Variants in ALK observed in about 807,000 individuals in gnomAD.
ALK encodes ALK receptor tyrosine kinase.
A neutral mutation model predicts 163.1 loss-of-function variants in ALK; 74 were observed. The observed-to-expected ratio is 0.45, with a 90% confidence interval of 0.38 to 0.55. ALK has a LOEUF of 0.55. ALK is among the 20% of genes least tolerant of loss of function. The pLI, the probability that ALK is intolerant of heterozygous loss-of-function variation, is 0.00. For synonymous variants in ALK, 960 were observed against 843.2 expected, an observed-to-expected ratio of 1.14 and a Z score of -2.40; for missense variants, 2,063 against 2,105.3, an observed-to-expected ratio of 0.98 and a Z score of 0.39.
chr2:29,529,277 C>T (rs545502354), intron 4 of ALK, among the ~76,000 whole-genome samples: 102 of 152,312 alleles, frequency 6.7e-4, no homozygotes, highest in African/African-American at 2.2e-3. Flanking sequence ...CTTCCTCCCT[C>T]GTTACTACAA....
chr2:29,308,043 T>C (rs964227493), intron 8 of ALK, among the ~76,000 whole-genome samples: 2 of 152,076 alleles, frequency 1.3e-5, no homozygotes, highest in African/African-American at 4.8e-5. Context: ...TTACAAGTTT[T>C]TTTTTTTTCT....
At chr2:29,675,499 C>T (rs1208463393) in intron 3 of ALK, among the ~76,000 whole-genome samples, 2 of 152,036 alleles carry the variant, frequency 1.3e-5, no homozygotes, top group Non-Finnish European at 2.9e-5. Flanking sequence ...ACCAGCAAAA[C>T]CTGATGGGAC....
rs552266944 is a variant in ALK, at chr2:29,196,160, A to G, written c.4164+610T>C. On this transcript the variant is annotated intron_variant, in intron 28 of 28. Coordinates refer to ENST00000389048, the MANE Select transcript of ALK (RefSeq NM_004304.5). ...ATTGCTAGAAGAATGTTTGACTTGG[A>G]CAGACTCTTCAGGCCTTAACTCCTC... Among the ~76,000 whole-genome samples the G allele has an allele frequency of 1.5e-4, 23 of 152,314 alleles. No homozygotes were observed. In the South Asian group the frequency reaches 4.8e-3, roughly 32 times the overall value.
chr2:29,861,594 A>G (rs562783072), intron 1 of ALK, among the ~76,000 whole-genome samples: 58 of 152,300 alleles, frequency 3.8e-4, no homozygotes, highest in African/African-American at 1.3e-3. Context: ...GAAATTGAAA[A>G]TCTTAACAGA....
chr2:29,833,419 C>A (rs535705852), intron 1 of ALK, among the ~76,000 whole-genome samples: 1 of 152,222 alleles, frequency 6.6e-6, no homozygotes, highest in Non-Finnish European at 1.5e-5. Flanking sequence ...TGGACACGAT[C>A]ATCTCTCATG....
intron 4 of ALK, among the ~76,000 whole-genome samples, chr2:29,459,777 A>C (rs1671041742): frequency 6.6e-6 from 1 of 152,184 alleles, no homozygotes; most frequent in South Asian, 2.1e-4. Flanking sequence ...CCCCAACAAT[A>C]TCACTGAATG....
At chr2:29,575,069 A>G (rs1163451303) in intron 3 of ALK, among the ~76,000 whole-genome samples, 1 of 152,088 alleles carries the variant, frequency 6.6e-6, no homozygotes, top group African/African-American at 2.4e-5. Context: ...ATCAGACTCT[A>G]TTTCTGATTG....
intron 25 of ALK, 102 bp from the exon 26 acceptor site, chr2:29,207,374 T>A: frequency 2.3e-6 from 2 of 878,216 alleles, no homozygotes; most frequent in Non-Finnish European, 3.8e-6. Flanking sequence ...AGTCTACCCA[T>A]TAAAGGTCTG....
chr2:29,853,976 C>G (rs556486748), intron 1 of ALK, among the ~76,000 whole-genome samples: 2 of 151,306 alleles, frequency 1.3e-5, no homozygotes, highest in Non-Finnish European at 2.9e-5. Context: ...GTGGCACGAT[C>G]TGGGCTCGCT....
chr2:29,543,066 C>G (rs1242076246), intron 3 of ALK, among the ~76,000 whole-genome samples: 1 of 151,898 alleles, frequency 6.6e-6, no homozygotes, highest in East Asian at 1.9e-4. Flanking sequence ...GAAGAAAAAG[C>G]ATATAAATTT....
intron 8 of ALK, among the ~76,000 whole-genome samples, chr2:29,312,905 G>A (rs1215576947): frequency 6.6e-6 from 1 of 152,188 alleles, no homozygotes; most frequent in African/African-American, 2.4e-5. Flanking sequence ...ATGAGATGGG[G>A]GTTGGACATC....
chr2:29,830,955 AAAGAAGAAG>A (rs1161936241), intron 1 of ALK, among the ~76,000 whole-genome samples: 6,341 of 27,736 alleles, frequency 0.23, 1,313 homozygotes, highest in Non-Finnish European at 0.31. Context: ...AAGAAGAAGA[AAAGAAGAAG>A]AAGAAGAAGA....
chr2:29,676,264 T>C (rs116258750), intron 3 of ALK, among the ~76,000 whole-genome samples: 1,877 of 152,140 alleles, frequency 0.012, 45 homozygotes, highest in African/African-American at 0.044. Flanking sequence ...CCTAAAAACG[T>C]TTTTCCCCAC....
chr2:29,688,126 G>C (rs1238371255), intron 3 of ALK, among the ~76,000 whole-genome samples: 1 of 152,194 alleles, frequency 6.6e-6, no homozygotes, highest in African/African-American at 2.4e-5. Context: ...TAAGAAAAGA[G>C]GATAAAGGTC....
intron 5 of ALK, among the ~76,000 whole-genome samples, chr2:29,380,853 G>T (rs1668879018): frequency 6.6e-6 from 1 of 152,186 alleles, no homozygotes; most frequent in African/African-American, 2.4e-5. Context: ...CAACACTGAG[G>T]ATTATAATTC....
At chr2:29,858,506 G>A (rs563254356) in intron 1 of ALK, among the ~76,000 whole-genome samples, 2 of 151,632 alleles carry the variant, frequency 1.3e-5, no homozygotes, top group African/African-American at 4.8e-5. Flanking sequence ...GTCAAATCAA[G>A]AGGATCATCT....
intron 3 of ALK, among the ~76,000 whole-genome samples, chr2:29,631,148 G>C (rs979136278): frequency 1.3e-5 from 2 of 152,098 alleles, no homozygotes; most frequent in African/African-American, 2.4e-5. Context: ...GAAAAACTTG[G>C]GCATTCATTA....
chr2:29,569,937 G>A (rs1034334054), intron 3 of ALK, among the ~76,000 whole-genome samples: 1 of 152,158 alleles, frequency 6.6e-6, no homozygotes, highest in Non-Finnish European at 1.5e-5. Context: ...TGCTTGCCCA[G>A]GCTCAGAGCT....
intron 1 of ALK, among the ~76,000 whole-genome samples, chr2:29,875,594 C>G (rs915893396): frequency 2.6e-5 from 4 of 152,080 alleles, no homozygotes; most frequent in Non-Finnish European, 4.4e-5. Flanking sequence ...GTCCCCTACC[C>G]CCGACAGGCC....
Sources: allele counts gnomAD v4.1 joint callset (sites outside exome capture counted in the v4.1 genomes callset), GRCh38; gene constraint gnomAD v4.1.1; transcripts MANE v1.5; gene names NCBI Gene and HGNC (gene_info 2026-07-23, HGNC 2026-07-21).